The following ANO2 variants were observed in gnomAD, a reference collection of about 807,000 sequenced individuals.
ANO2 encodes the protein anoctamin 2.
In ANO2, 101 loss-of-function variants were observed where a neutral mutation model predicts 124.2. The ratio of observed to expected loss-of-function variants is 0.81; its 90% CI spans 0.69 to 0.96. The LOEUF is 0.96. Among genes scored for constraint, ANO2 ranks in the 40% least tolerant of loss-of-function variants. ANO2 has a pLI of 0.00. For missense variants in ANO2, 1,293 were observed against 1,274.5 expected (o/e 1.01, Z -0.22); for synonymous variants, 486 against 482.5 (o/e 1.01, Z -0.09).
intron 7 of ANO2, among the ~76,000 whole-genome samples, chr12:5,811,627 G>A (rs963679497): frequency 6.6e-6 from 1 of 152,180 alleles, no homozygotes; most frequent in Non-Finnish European, 1.5e-5. Context: ...AGCAAGAAAG[G>A]TGTTTACCCT....
chr12:5,854,617 A>G (rs1955043554), intron 3 of ANO2, among the ~76,000 whole-genome samples: 1 of 152,200 alleles, frequency 6.6e-6, no homozygotes, highest in Non-Finnish European at 1.5e-5. Context: ...TCATGCTGTT[A>G]TAGCCCCAAA....
intron 10 of ANO2, among the ~76,000 whole-genome samples, chr12:5,795,425 G>A (rs1290526456): frequency 6.6e-6 from 1 of 152,204 alleles, no homozygotes; most frequent in African/African-American, 2.4e-5. Flanking sequence ...ACAGGTGGGA[G>A]TGAGTAGGGA....
Position 5,930,459 on chromosome 12 carries a change from G to A in ANO2, c.23-7655C>T, listed in dbSNP as rs1320122265. Among the ~76,000 whole-genome samples, 5 of 152,152 alleles carry A rather than the reference G, an allele frequency of 3.3e-5. 1 individual carries two copies. The highest frequency in any genetic ancestry group is 3.3e-4 in the Admixed American group (5 of 15,280). ...GATGAAGTGGTCCAGACGGGTAGGT[G>A]CGGACTCGATCAGGAAAGACCCTGT... On this transcript the variant is annotated intron_variant, in intron 1 of 24. Transcript: ENST00000682330.
intron 3 of ANO2, among the ~76,000 whole-genome samples, chr12:5,880,219 T>A (rs1052224862): frequency 2.0e-5 from 3 of 152,174 alleles, no homozygotes; most frequent in Admixed American, 6.5e-5. Context: ...TGAGTTTTTT[T>A]ATGAAGACCT....
intron 19 of ANO2, among the ~76,000 whole-genome samples, chr12:5,612,166 T>C (rs545977821): frequency 6.6e-6 from 1 of 152,296 alleles, no homozygotes; most frequent in East Asian, 1.9e-4. Context: ...GACATTTTCA[T>C]AAAACCCTGG....
chr12:5,679,548 ACTGATCAT>A (rs1367298861), intron 14 of ANO2, among the ~76,000 whole-genome samples: 2 of 152,238 alleles, frequency 1.3e-5, no homozygotes, highest in East Asian at 1.9e-4. Context: ...GCTCAATATC[ACTGATCAT>A]TATAAAAATG....
chr12:5,909,307 CA>C (rs1940894450), intron 3 of ANO2, among the ~76,000 whole-genome samples: 2 of 152,248 alleles, frequency 1.3e-5, no homozygotes, highest in South Asian at 4.2e-4. Flanking sequence ...AAAGGTTTAA[CA>C]AAAAGATATG....
intron 10 of ANO2, among the ~76,000 whole-genome samples, chr12:5,764,832 C>T (rs1951838041): frequency 1.3e-5 from 2 of 152,186 alleles, no homozygotes. Flanking sequence ...TTACAAAATT[C>T]TCCCTTTGCC....
chr12:5,767,154 C>A (rs534593024), intron 10 of ANO2, among the ~76,000 whole-genome samples: 23 of 152,334 alleles, frequency 1.5e-4, no homozygotes, highest in Non-Finnish European at 2.5e-4. Context: ...CCTCCCTGGA[C>A]TTAGAGAAAG....
chr12:5,823,574 G>C (rs1440918121), intron 7 of ANO2, among the ~76,000 whole-genome samples: 1 of 152,194 alleles, frequency 6.6e-6, no homozygotes, highest in Non-Finnish European at 1.5e-5. Context: ...TGGCTTTGCA[G>C]GGTACAGCCT....
chr12:5,563,610 C>T (rs763308283), intron 24 of ANO2, 42 bp from the exon 25 acceptor site: 44 of 1,604,840 alleles, frequency 2.7e-5, no homozygotes, highest in Admixed American at 3.4e-5. Context: ...TGGAGAGGCC[C>T]GGCCTGGGGA....
chr12:5,922,610 C>CCCAAA lies in ANO2; in HGVS notation c.207+9_207+10insTTTGG. 1.3e-6 allele frequency: 2 copies of CCCAAA among 1,525,438 alleles called. No homozygotes were observed. The highest frequency in any genetic ancestry group is 8.8e-7 in the Non-Finnish European group (1 of 1,136,180). The allele number at this position is 1,525,438 out of a possible 1,614,324, so 94.5% of individuals were successfully genotyped here. On this transcript the variant is annotated intron_variant, in intron 2 of 24. Transcript: ENST00000682330. ...CCTATCCCCCCACCCCACCCCCGCC[C>CCCAAA]AGTACTCACAGAGCTGCTGCGGGTG... is the stretch of plus-strand genomic sequence containing the variant.
chr12:5,585,118 C>A (rs1237615514), intron 20 of ANO2, among the ~76,000 whole-genome samples: 1 of 151,878 alleles, frequency 6.6e-6, no homozygotes, highest in Non-Finnish European at 1.5e-5. Context: ...CACCAGCAGA[C>A]CCATGGAGGC....
intron 3 of ANO2, among the ~76,000 whole-genome samples, chr12:5,899,421 G>T (rs1382200649): frequency 2.6e-5 from 4 of 152,152 alleles, no homozygotes; most frequent in African/African-American, 9.7e-5. Context: ...CAGAGCCAGG[G>T]GAATAAGAAA....
In ANO2 at chr12:5,848,364, C is replaced by A. The variant is rs12306881; in HGVS notation, c.633+5679G>T. 8.8e-3 allele frequency among the ~76,000 whole-genome samples: 1,287 copies of A among 146,568 alleles called. 22 individuals are homozygous for A. The highest frequency in any genetic ancestry group is 0.028 in the African/African-American group (1,154 of 40,690). ...TCCCTTGCACTTCCCTACTTCCCCC[C>A]CTCCCCAGTTACATGATTCTTTTTA... On this transcript the variant is annotated intron_variant, in intron 4 of 24. Coordinates refer to ENST00000682330, the MANE Select transcript of ANO2 (RefSeq NM_001364791.2).
intron 14 of ANO2, among the ~76,000 whole-genome samples, chr12:5,684,989 G>A (rs187039439): frequency 7.2e-5 from 11 of 152,302 alleles, no homozygotes; most frequent in African/African-American, 2.6e-4. Context: ...CTACTGTAAT[G>A]ACCTAATGTA....
At chr12:5,641,508 C>G (rs1315367989) in intron 15 of ANO2, among the ~76,000 whole-genome samples, 4 of 152,238 alleles carry the variant, frequency 2.6e-5, no homozygotes, top group East Asian at 1.9e-4. Context: ...ATTGTCCAAT[C>G]TGGAATACTT....
intron 4 of ANO2, among the ~76,000 whole-genome samples, chr12:5,838,868 G>T (rs1474605982): frequency 2.0e-5 from 3 of 152,216 alleles, no homozygotes; most frequent in Non-Finnish European, 2.9e-5. Context: ...GTGGGGACAG[G>T]AGGCTGCCTC....
intron 3 of ANO2, among the ~76,000 whole-genome samples, chr12:5,920,759 C>T (rs531026888): frequency 2.0e-4 from 30 of 152,134 alleles, no homozygotes; most frequent in African/African-American, 6.5e-4. Context: ...CCCAGCTACT[C>T]GGGAGACTGA....
Sources: allele counts gnomAD v4.1 joint callset (sites outside exome capture counted in the v4.1 genomes callset), GRCh38; gene constraint gnomAD v4.1.1; transcripts MANE v1.5; gene names NCBI Gene and HGNC (gene_info 2026-07-23, HGNC 2026-07-21).